TULP4: variants seen among roughly 807,000 people sequenced by gnomAD.
The protein encoded by TULP4 is TUB like protein 4, also known as tubby-related protein 4.
In TULP4, 16 loss-of-function variants were observed where a neutral mutation model predicts 129.0. That is an observed-to-expected ratio of 0.12 (90% confidence interval 0.08 to 0.19). The LOEUF (loss-of-function observed/expected upper bound fraction) is 0.19. Among genes scored for constraint, TULP4 ranks in the 10% least tolerant of loss-of-function variants. TULP4 has a pLI of 1.00. For synonymous variants in TULP4, 998 were observed against 854.0 expected, an observed-to-expected ratio of 1.17 and a Z score of -2.94; for missense variants, 1,842 against 2,059.1, an observed-to-expected ratio of 0.89 and a Z score of 2.04.
In TULP4 at chr6:158,334,601, C is replaced by CCCCGCA. The variant is rs1554281173; in HGVS notation, c.252+20334_252+20335insCCGCAC. Among the ~76,000 whole-genome samples, 24 of 151,804 alleles carry CCCCGCA rather than the reference C, an allele frequency of 1.6e-4. No homozygotes were observed. The East Asian group carries it at 3.1e-3, about 20-fold the overall frequency. On this transcript the variant is annotated intron_variant, in intron 1 of 13. Transcript: ENST00000367097. Reference sequence around the variant, plus strand: ...GTGTGGGGGTTGGCACCCCTAACCCCCGCATTGTTCAGGGGTTAGCTGTAG... The same window carrying CCCCGCA: ...GTGTGGGGGTTGGCACCCCTAACCCCCCCGCACGCATTGTTCAGGGGTTAGCTGTAG...
intron 1 of TULP4, chr6:158,242,202 A>T: frequency 7.3e-7 from 1 of 1,360,878 alleles, no homozygotes; most frequent in Non-Finnish European, 1.0e-6. Flanking sequence ...CTGATAATGA[A>T]TGGTGGCAAA....
intron 2 of TULP4, among the ~76,000 whole-genome samples, chr6:158,427,337 C>T (rs994102027): frequency 4.6e-5 from 7 of 151,804 alleles, no homozygotes; most frequent in Non-Finnish European, 1.0e-4. Flanking sequence ...ACTTCTGGGG[C>T]GAGGAGGGAC....
At chr6:158,494,667 A>G (rs1780289187) in intron 10 of TULP4, 86 bp from the exon 11 acceptor site, 3 of 1,274,504 alleles carry the variant, frequency 2.4e-6, no homozygotes, top group Non-Finnish European at 3.3e-6. Context: ...GGCTTAAGTA[A>G]TAAATATTAA....
intron 2 of TULP4, among the ~76,000 whole-genome samples, chr6:158,426,840 TC>T (rs1778506581): frequency 6.6e-6 from 1 of 152,248 alleles, no homozygotes. Flanking sequence ...TATTGATTCT[TC>T]CTATCCGTGA....
intron 1 of TULP4, among the ~76,000 whole-genome samples, chr6:158,295,963 A>G (rs1779022511): frequency 6.6e-6 from 1 of 152,140 alleles, no homozygotes; most frequent in Non-Finnish European, 1.5e-5. Context: ...CACAATAGCC[A>G]CCCCCCAAAT....
At chr6:158,350,049 C>T (rs12212495) in intron 1 of TULP4, among the ~76,000 whole-genome samples, 2 of 144,912 alleles carry the variant, frequency 1.4e-5, no homozygotes, top group Non-Finnish European at 3.0e-5. Context: ...TCACTTCCTC[C>T]CAGACGGGGC....
intron 1 of TULP4, among the ~76,000 whole-genome samples, chr6:158,236,607 T>C (rs1382810322): frequency 2.4e-5 from 3 of 122,608 alleles, no homozygotes; most frequent in Non-Finnish European, 3.7e-5. Flanking sequence ...ACCTAAGGCC[T>C]CCATAATTTA....
chr6:158,390,698 G>C (rs1777565379), intron 1 of TULP4, among the ~76,000 whole-genome samples: 1 of 152,242 alleles, frequency 6.6e-6, no homozygotes, highest in Admixed American at 6.5e-5. Flanking sequence ...CATATGACGT[G>C]AAGGAGAAAA....
chr6:158,378,567 C>T (rs1554285651), intron 1 of TULP4, among the ~76,000 whole-genome samples: 1 of 147,280 alleles, frequency 6.8e-6, no homozygotes, highest in Non-Finnish European at 1.5e-5. Flanking sequence ...TCACTGCAAC[C>T]TCTCCCCCAC....
intron 6 of TULP4, among the ~76,000 whole-genome samples, chr6:158,471,820 T>TC (rs1779689210): frequency 6.6e-6 from 1 of 152,232 alleles, no homozygotes; most frequent in Admixed American, 6.5e-5. Flanking sequence ...ATGGATGGAC[T>TC]GGTGTCAACA....
chr6:158,320,385 C>T (rs1031350851), intron 1 of TULP4, among the ~76,000 whole-genome samples: 2 of 151,164 alleles, frequency 1.3e-5, no homozygotes, highest in East Asian at 1.9e-4. Context: ...TTGTAGATGT[C>T]GTGCAAATTA....
intron 2 of TULP4, among the ~76,000 whole-genome samples, chr6:158,425,676 T>G (rs1221391268): frequency 6.6e-6 from 1 of 151,964 alleles, no homozygotes; most frequent in East Asian, 1.9e-4. Flanking sequence ...CGATCTTGGC[T>G]CTCTGCAACC....
chr6:158,424,259 CTTAT>C (rs1451124262), intron 2 of TULP4, among the ~76,000 whole-genome samples: 4 of 151,954 alleles, frequency 2.6e-5, no homozygotes, highest in Non-Finnish European at 5.9e-5. Flanking sequence ...TGTATACTTA[CTTAT>C]TTACTTATTT....
chr6:158,278,432 C>T (rs1159033738), upstream of TULP4, among the ~76,000 whole-genome samples: 2 of 151,208 alleles, frequency 1.3e-5, no homozygotes, highest in South Asian at 2.1e-4. Flanking sequence ...AATGATCCAG[C>T]ACTTTCCAAA....
At chr6:158,392,715 G>A (rs572786929) in intron 1 of TULP4, among the ~76,000 whole-genome samples, 2 of 150,348 alleles carry the variant, frequency 1.3e-5, no homozygotes, top group Non-Finnish European at 3.0e-5. Context: ...GCTGAGTGGT[G>A]AAGCATTTTG....
rs144943600 is a variant in TULP4 at position 158,361,617 on chromosome 6, A to G, written c.252+47349A>G. On this transcript the variant is annotated intron_variant, in intron 1 of 13. Coordinates refer to ENST00000367097, the MANE Select transcript of TULP4 (RefSeq NM_020245.5). ...CACTTAGCATTTTAATTACTTTTCA[A>G]TTTTTGAGATACAAGTCACATATTT... 2.7e-3 allele frequency among the ~76,000 whole-genome samples: 405 copies of G among 152,276 alleles called. 1 individual carries two copies. Among genetic ancestry groups the G allele is most frequent in the African/African-American group, 9.2e-3 (382 of 41,546 alleles).
chr6:158,385,370 C>T lies in TULP4; in HGVS notation c.253-27695C>T, dbSNP rs942073260. 6.6e-5 allele frequency among the ~76,000 whole-genome samples: 10 copies of T among 152,210 alleles called. No individual in the cohort carries two copies. The East Asian group carries it at 1.2e-3, about 18-fold the overall frequency. ...CGTGGTGCCCTTTAGTTAGGTTGTA[C>T]CATAGATGATAGTCCACAGAGAAGC... On this transcript the variant is annotated intron_variant, in intron 1 of 13. Transcript: ENST00000367097.
chr6:158,406,424 A>T (rs1777978887), intron 1 of TULP4, among the ~76,000 whole-genome samples: 1 of 152,200 alleles, frequency 6.6e-6, no homozygotes, highest in African/African-American at 2.4e-5. Flanking sequence ...AAGTTTTCAA[A>T]GTGATTTGCA....
chr6:158,447,725 T>C (rs1019387406), intron 3 of TULP4, among the ~76,000 whole-genome samples: 1 of 152,206 alleles, frequency 6.6e-6, no homozygotes, highest in African/African-American at 2.4e-5. Flanking sequence ...GAAAAAGCCT[T>C]AACCAGCTCT....
Sources: gnomAD v4.1 joint callset for allele counts (sites outside exome capture counted in the v4.1 genomes callset) on GRCh38, gnomAD v4.1.1 for gene constraint, MANE v1.5 for transcripts, NCBI Gene and HGNC (gene_info 2026-07-23, HGNC 2026-07-21) for gene names.